The following DLGAP1 variants were observed in gnomAD, a reference collection of about 807,000 sequenced individuals.
DLGAP1 encodes disks large-associated protein 1.
Under a neutral mutation model 90.8 loss-of-function variants are expected in DLGAP1, and 11 were observed. The observed-to-expected ratio is 0.12, with a 90% confidence interval of 0.08 to 0.20. The LOEUF (loss-of-function observed/expected upper bound fraction) is 0.20, where lower values mean the gene tolerates loss of function less well. Among genes scored for constraint, DLGAP1 ranks in the 10% least tolerant of loss-of-function variants. DLGAP1 has a pLI of 1.00. For missense variants in DLGAP1, 1,050 were observed against 1,333.8 expected, an observed-to-expected ratio of 0.79 and a Z score of 3.31; for synonymous variants, 558 against 540.7, an observed-to-expected ratio of 1.03 and a Z score of -0.44.
At chr18:3,976,302 G>T (rs1257050425) in intron 3 of DLGAP1, among the ~76,000 whole-genome samples, 3 of 151,648 alleles carry the variant, frequency 2.0e-5, no homozygotes, top group Admixed American at 2.0e-4. Context: ...CTTGAACCCG[G>T]GAGGCAGAGG....
intron 7 of DLGAP1, among the ~76,000 whole-genome samples, chr18:3,665,477 A>G (rs28665144): frequency 0.01 from 1,547 of 152,348 alleles, 28 homozygotes; most frequent in African/African-American, 0.035. Flanking sequence ...TTCTTAAAAT[A>G]TATCTGCTCT....
At chr18:3,525,315 A>T (rs2051545034) in intron 10 of DLGAP1, among the ~76,000 whole-genome samples, 1 of 152,174 alleles carries the variant, frequency 6.6e-6, no homozygotes, top group African/African-American at 2.4e-5. Flanking sequence ...AGTTGGATGA[A>T]ATGAAATTAG....
intron 3 of DLGAP1, among the ~76,000 whole-genome samples, chr18:3,976,529 T>G (rs900773295): frequency 2.6e-5 from 4 of 152,190 alleles, no homozygotes; most frequent in Non-Finnish European, 4.4e-5. Context: ...TCCCTGCATA[T>G]TTTTATATAG....
At chr18:4,228,798 T>G (rs551583632) in intron 1 of DLGAP1, among the ~76,000 whole-genome samples, 126 of 152,052 alleles carry the variant, frequency 8.3e-4, no homozygotes, top group African/African-American at 2.9e-3. Flanking sequence ...GCATGTACAC[T>G]TTCAGCACTT....
intron 7 of DLGAP1, among the ~76,000 whole-genome samples, chr18:3,637,602 C>T (rs1011557948): frequency 6.7e-6 from 1 of 148,278 alleles, no homozygotes; most frequent in African/African-American, 2.5e-5. Context: ...AAAAAATTAG[C>T]CGGGCATGGT....
At chr18:3,657,667 A>T (rs1389020104) in intron 7 of DLGAP1, among the ~76,000 whole-genome samples, 1 of 146,836 alleles carries the variant, frequency 6.8e-6, no homozygotes, top group Non-Finnish European at 1.5e-5. Flanking sequence ...CAGTGGCGCG[A>T]TCTCGGCTCA....
Position 3,814,216 on chromosome 18 carries a change from A to C in DLGAP1, c.1015T>G (p.Cys339Gly). The change falls in exon 5 of 13, where the codon TGC becomes GGC. Residue 339 changes from cysteine (C) to glycine (G), a missense_variant. By Grantham distance (159) the Cys-to-Gly change is radical. Coordinates refer to ENST00000315677, the MANE Select transcript of DLGAP1 (RefSeq NM_004746.4). ...TAACTGCCACTCCGCATTCTTCGGCATGGAATTTCATCATCTTTACCTCGT... is the reference window on the plus strand; with the variant it reads ...TAACTGCCACTCCGCATTCTTCGGCCTGGAATTTCATCATCTTTACCTCGT... ...TPRGKDDEIP[C>G]RRMRSGSYIK... 1 of 1,614,156 alleles carries C rather than the reference A, an allele frequency of 6.2e-7. No homozygotes were observed. Among genetic ancestry groups the C allele is most frequent in the Non-Finnish European group, 8.5e-7 (1 of 1,180,020 alleles).
intron 6 of DLGAP1, among the ~76,000 whole-genome samples, chr18:3,737,575 C>A (rs1042671012): frequency 1.5e-4 from 22 of 151,250 alleles, no homozygotes; most frequent in African/African-American, 2.7e-4. Flanking sequence ...ATTCAACAAG[C>A]CTTCATGCTA....
chr18:4,074,232 T>C (rs897170256), intron 2 of DLGAP1, among the ~76,000 whole-genome samples: 2 of 152,164 alleles, frequency 1.3e-5, no homozygotes, highest in Admixed American at 6.6e-5. Flanking sequence ...TTCATGTCTT[T>C]GTGCATCAGT....
chr18:3,701,912 G>C (rs1247727416), intron 7 of DLGAP1, among the ~76,000 whole-genome samples: 1 of 152,180 alleles, frequency 6.6e-6, no homozygotes, highest in East Asian at 1.9e-4. Flanking sequence ...GAGACGGAGA[G>C]ACATAGGGAG....
chr18:3,959,425 G>A (rs1319284451), intron 3 of DLGAP1, among the ~76,000 whole-genome samples: 1 of 152,128 alleles, frequency 6.6e-6, no homozygotes, highest in East Asian at 1.9e-4. Context: ...CCAGCACTTT[G>A]GAAGGCCGAG....
At chr18:3,895,827 T>C (rs929687251) in intron 3 of DLGAP1, 2 of 152,172 alleles carry the variant, frequency 1.3e-5, no homozygotes, top group Admixed American at 6.5e-5. Context: ...TCCTCCACAG[T>C]TAGAGGCTCC....
intron 1 of DLGAP1, among the ~76,000 whole-genome samples, chr18:4,369,335 C>T (rs748590380): frequency 9.9e-5 from 15 of 152,116 alleles, no homozygotes; most frequent in Non-Finnish European, 1.9e-4. Flanking sequence ...CTATACCTGG[C>T]AAACAATATA....
At position 4,194,929 on chromosome 18, in the gene DLGAP1, G is replaced by A. The variant is rs143208921; in HGVS notation, c.-266-43642C>T. Among the ~76,000 whole-genome samples, 51 of 152,236 alleles carry A rather than the reference G, an allele frequency of 3.4e-4. No individual in the cohort carries two copies. The South Asian group carries it at 8.1e-3, about 24-fold the overall frequency. On this transcript the variant is annotated intron_variant, in intron 1 of 12. Transcript: ENST00000315677. ...TCCCTCACCTATCATTTGTGTGTGC[G>A]TGGTGAGATGTTTGAAATTTATTCT...
rs527240851 is a variant in DLGAP1 at position 4,306,571 on chromosome 18, G to T, written c.-267+148435C>A. Among the ~76,000 whole-genome samples, 3 of 151,944 alleles carry T rather than the reference G, an allele frequency of 2.0e-5. No homozygotes were observed. The South Asian group carries it at 6.3e-4, about 32-fold the overall frequency. On this transcript the variant is annotated intron_variant, in intron 1 of 12. Coordinates refer to ENST00000315677, the MANE Select transcript of DLGAP1 (RefSeq NM_004746.4). ...GAGGAAAACAGAAGCCCTGGTTATG[G>T]TTTAAACTATTTCCTTGTATAGCTT...
intron 3 of DLGAP1, among the ~76,000 whole-genome samples, chr18:3,938,851 C>A (rs1210423164): frequency 6.6e-6 from 1 of 152,086 alleles, no homozygotes; most frequent in African/African-American, 2.4e-5. Context: ...CAGTAGTGGA[C>A]AAGACTGGAA....
intron 3 of DLGAP1, chr18:3,885,318 C>A (rs2071280182): frequency 6.6e-6 from 1 of 152,208 alleles, no homozygotes; most frequent in African/African-American, 2.4e-5. Flanking sequence ...AGAAAGCTTC[C>A]TTGCCTGCTG....
intron 7 of DLGAP1, among the ~76,000 whole-genome samples, chr18:3,695,558 C>T (rs1263605959): frequency 6.6e-6 from 1 of 152,082 alleles, no homozygotes; most frequent in Non-Finnish European, 1.5e-5. Context: ...TTCCATTGGT[C>T]TATATATCTG....
intron 1 of DLGAP1, among the ~76,000 whole-genome samples, chr18:4,303,117 G>A (rs2080165969): frequency 6.6e-6 from 1 of 152,080 alleles, no homozygotes; most frequent in African/African-American, 2.4e-5. Flanking sequence ...GGCACATAGA[G>A]GCCACTAAAA....
Sources: allele counts gnomAD v4.1 joint callset (sites outside exome capture counted in the v4.1 genomes callset), GRCh38; gene constraint gnomAD v4.1.1; transcripts MANE v1.5; gene names NCBI Gene and HGNC (gene_info 2026-07-23, HGNC 2026-07-21).